YEATS2: variants seen among roughly 807,000 people sequenced by gnomAD.
YEATS2 encodes the protein YEATS domain-containing protein 2.
YEATS2 carries 77 observed loss-of-function variants against 163.2 expected under a neutral mutation model. The observed-to-expected ratio is 0.47, with a 90% CI of 0.39 to 0.57. YEATS2 has a LOEUF of 0.57. YEATS2 is among the 20% of genes least tolerant of loss of function. The pLI is 0.00. For synonymous variants in YEATS2, 631 were observed against 645.1 expected (o/e 0.98, Z 0.33); for missense variants, 1,549 against 1,729.8 (o/e 0.90, Z 1.85).
chr3:183,710,032 C>T (rs1281972331), intron 1 of YEATS2, among the ~76,000 whole-genome samples: 2 of 152,136 alleles, frequency 1.3e-5, no homozygotes, highest in African/African-American at 2.4e-5. Context: ...TTATTTTAGT[C>T]GCAGCGTTAC....
At chr3:183,795,089 C>T (rs1725010211) in intron 21 of YEATS2, among the ~76,000 whole-genome samples, 1 of 151,048 alleles carries the variant, frequency 6.6e-6, no homozygotes, top group Non-Finnish European at 1.5e-5. Flanking sequence ...GATTACTTGA[C>T]CCTGGGAGGT....
chr3:183,732,808 C>G (rs1717944361), intron 7 of YEATS2, among the ~76,000 whole-genome samples: 1 of 152,164 alleles, frequency 6.6e-6, no homozygotes, highest in African/African-American at 2.4e-5. Context: ...ATCTGCCCAC[C>G]TCGGCCTCCC....
chr3:183,700,725 C>G (rs565836580), intron 1 of YEATS2, among the ~76,000 whole-genome samples: 38 of 129,238 alleles, frequency 2.9e-4, no homozygotes, highest in African/African-American at 1.0e-3. Context: ...GAACGGAGAT[C>G]GCGCCACTGC....
intron 1 of YEATS2, among the ~76,000 whole-genome samples, chr3:183,711,874 C>T (rs1174013318): frequency 6.6e-6 from 1 of 151,514 alleles, no homozygotes; most frequent in Admixed American, 6.6e-5. Flanking sequence ...GGCTGGAGTG[C>T]AATGGCATGA....
chr3:183,809,081 G>C lies in YEATS2; in HGVS notation c.4087-16G>C. 2.5e-6 allele frequency: 4 copies of C among 1,613,850 alleles called. No individual in the cohort carries two copies. Among genetic ancestry groups the C allele is most frequent in the Non-Finnish European group, 3.4e-6 (4 of 1,179,812 alleles). Reference sequence around the variant, plus strand: ...GCAGATGGCCATTTGAAGAATAACAGCATCTTCCATTGTAGGCTACAGAAC... The same window carrying C: ...GCAGATGGCCATTTGAAGAATAACACCATCTTCCATTGTAGGCTACAGAAC... On this transcript the variant is annotated splice_polypyrimidine_tract_variant and intron_variant, in intron 29 of 30. Coordinates refer to ENST00000305135, the MANE Select transcript of YEATS2 (RefSeq NM_018023.5).
At position 183,787,605 on chromosome 3, in the gene YEATS2, G is replaced by A. The variant is rs945358485; in HGVS notation, c.2913+1304G>A. Among the ~76,000 whole-genome samples, 8 of 152,062 alleles carry A rather than the reference G, an allele frequency of 5.3e-5. No homozygotes were observed. The South Asian group carries it at 6.2e-4, about 12-fold the overall frequency. On this transcript the variant is annotated intron_variant, in intron 20 of 30. Transcript: ENST00000305135. ...TATATTCTAGATATGTCTCTTACCA[G>A]ATTTGCAAAAATTTTCTTGCACTCT...
intron 6 of YEATS2, among the ~76,000 whole-genome samples, chr3:183,727,590 C>T (rs541914782): frequency 6.6e-6 from 1 of 152,308 alleles, no homozygotes; most frequent in South Asian, 2.1e-4. Flanking sequence ...CCCCCCATAT[C>T]ACTAAGGATT....
chr3:183,756,163 C>T (rs1720746945), intron 11 of YEATS2, among the ~76,000 whole-genome samples: 1 of 152,208 alleles, frequency 6.6e-6, no homozygotes, highest in Admixed American at 6.5e-5. Context: ...AAAGGTTCAG[C>T]AGTTTTGCAC....
At chr3:183,806,131 G>A (rs929355779) in intron 27 of YEATS2, 2 of 365,228 alleles carry the variant, frequency 5.5e-6, no homozygotes, top group Non-Finnish European at 1.1e-5. Flanking sequence ...CTTGACTTAC[G>A]ATGGCCTTGT....
intron 1 of YEATS2, among the ~76,000 whole-genome samples, chr3:183,701,265 T>A (rs1013190958): frequency 6.6e-6 from 1 of 151,928 alleles, no homozygotes; most frequent in Admixed American, 6.6e-5. Flanking sequence ...TGCTTTGTAT[T>A]TTTATTAGAG....
intron 15 of YEATS2, among the ~76,000 whole-genome samples, chr3:183,768,541 G>GT (rs11411300): frequency 0.023 from 3,462 of 150,210 alleles, 110 homozygotes; most frequent in East Asian, 0.14. Flanking sequence ...ATTAAGAAGG[G>GT]TTTTTTTTTT....
At chr3:183,725,007 T>A (rs1716924121) in intron 6 of YEATS2, among the ~76,000 whole-genome samples, 1 of 150,416 alleles carries the variant, frequency 6.6e-6, no homozygotes, top group African/African-American at 2.4e-5. Flanking sequence ...CCTCTCAAAG[T>A]GCTGGAATTA....
chr3:183,721,933 A>G lies in YEATS2; in HGVS notation c.334A>G (p.Ile112Val), dbSNP rs1389804812. The change falls in exon 5 of 31, where the codon ATC (isoleucine) becomes GTC (valine). Residue 112 changes from isoleucine to valine, a missense_variant. By Grantham distance (29) the Ile-to-Val change is conservative. Transcript: ENST00000305135. Reference protein sequence around the residue: ...CDTMVFNHPAIKKFLESPSRS... With the variant: ...CDTMVFNHPAVKKFLESPSRS... ...TACAATGGTTTTTAATCATCCTGCTATCAAGAAATTTTTGGAATCACCATC... is the reference window on the plus strand; with the variant it reads ...TACAATGGTTTTTAATCATCCTGCTGTCAAGAAATTTTTGGAATCACCATC... 2.8e-5 allele frequency: 46 copies of G among 1,614,068 alleles called. No homozygotes were observed. The highest frequency in any genetic ancestry group is 3.7e-5 in the Non-Finnish European group (44 of 1,180,038).
In YEATS2 at chr3:183,756,538, A is replaced by G. The variant is rs1720783946; in HGVS notation, c.1401A>G (p.Ile467Met). 6.4e-7 allele frequency: 1 copy of G among 1,552,470 alleles called. No individual in the cohort carries two copies. The highest frequency in any genetic ancestry group is 2.4e-5 in the East Asian group (1 of 41,578). Residue 467 changes from isoleucine (I) to methionine (M), a missense_variant, in exon 12 of 31, where the codon ATA becomes ATG. By Grantham distance (10) the Ile-to-Met change is conservative. Coordinates refer to ENST00000305135, the MANE Select transcript of YEATS2 (RefSeq NM_018023.5). ...MSCKIVSGSP[I>M]STPSPSPLPR... ...TTTTTAATTAATAAGGTTCCCCAATATCAACTCCAAGCCCATCACCATTGC... is the reference window on the plus strand; with the variant it reads ...TTTTTAATTAATAAGGTTCCCCAATGTCAACTCCAAGCCCATCACCATTGC...
intron 21 of YEATS2, among the ~76,000 whole-genome samples, chr3:183,797,440 G>A (rs1725259427): frequency 6.6e-6 from 1 of 151,974 alleles, no homozygotes; most frequent in African/African-American, 2.4e-5. Flanking sequence ...AGCCACTCTG[G>A]AAGCTGAGAC....
chr3:183,792,784 C>T (rs1724784491), intron 21 of YEATS2, among the ~76,000 whole-genome samples: 1 of 152,190 alleles, frequency 6.6e-6, no homozygotes, highest in African/African-American at 2.4e-5. Flanking sequence ...GCTGGGATTA[C>T]AGGCATGAGC....
chr3:183,772,530 G>T lies in YEATS2; in HGVS notation c.2173G>T (p.Ala725Ser), dbSNP rs1219115452. Residue 725 changes from alanine to serine, a missense_variant, in exon 16 of 31, where the codon GCT (alanine) becomes TCT (serine). Coordinates refer to ENST00000305135, the MANE Select transcript of YEATS2 (RefSeq NM_018023.5). The stretch of plus-strand genomic sequence containing the variant: ...CTTAACCAAGGCCCAGGTTACTGCC[G>T]CTGGTCCTCAGAAGAGTGGATCCCA... Reference protein sequence around the residue: ...QTLTKAQVTAAGPQKSGSQGS... With the variant: ...QTLTKAQVTASGPQKSGSQGS... The T allele has an allele frequency of 9.9e-6, 16 of 1,614,108 alleles. No individual in the cohort carries two copies. Among genetic ancestry groups the T allele is most frequent in the Non-Finnish European group, 1.4e-5 (16 of 1,180,042 alleles).
Position 183,797,895 on chromosome 3 carries a change from C to G in YEATS2, c.3098-28C>G, listed in dbSNP as rs115787756. 2,062 of 1,613,046 alleles carry G rather than the reference C, an allele frequency of 1.3e-3. 19 individuals carry two copies. In the African/African-American group the frequency reaches 0.025, roughly 19 times the overall value. ...CTTTCCCGAAGCACCTGACCTTCAA[C>G]TTGGCTTTATCTTCCAATTTGTTCT... On this transcript the variant is annotated intron_variant, in intron 21 of 30. Transcript: ENST00000305135.
chr3:183,787,230 G>A (rs1026637783), intron 20 of YEATS2, among the ~76,000 whole-genome samples: 2 of 152,184 alleles, frequency 1.3e-5, no homozygotes, highest in African/African-American at 4.8e-5. Context: ...GGGATTACAG[G>A]TGTGAGCCAC....
Sources: allele counts gnomAD v4.1 joint callset (sites outside exome capture counted in the v4.1 genomes callset), GRCh38; gene constraint gnomAD v4.1.1; transcripts MANE v1.5; gene names NCBI Gene and HGNC (gene_info 2026-07-23, HGNC 2026-07-21).